The following UGT2B7 variants were observed in gnomAD, a reference collection of about 807,000 sequenced individuals.
UGT2B7 encodes the protein UDP glucuronosyltransferase family 2 member B7.
A neutral mutation model predicts 51.9 loss-of-function variants in UGT2B7; 51 were observed. That is an observed-to-expected ratio of 0.98 (90% CI 0.78 to 1.24). UGT2B7 has a LOEUF of 1.24. Among genes scored for constraint, UGT2B7 ranks in the 50% most tolerant of loss-of-function variants. The pLI is 0.00. For synonymous variants in UGT2B7, 225 were observed against 211.6 expected (o/e 1.06, Z -0.55); for missense variants, 727 against 628.4 (o/e 1.16, Z -1.68).
At chr4:69,064,123 A>T (rs1718435789) in intron 1 of UGT2B7, among the ~76,000 whole-genome samples, 1 of 151,464 alleles carries the variant, frequency 6.6e-6, no homozygotes, top group Non-Finnish European at 1.5e-5. Context: ...AAAGAAAGAA[A>T]GAAAGAAAGA....
intron 1 of UGT2B7, among the ~76,000 whole-genome samples, chr4:69,078,095 T>A (rs1041386765): frequency 1.3e-5 from 2 of 152,304 alleles, no homozygotes; most frequent in Non-Finnish European, 1.5e-5. Context: ...TGTCATGGAT[T>A]CCTTTTTTTG....
intron 1 of UGT2B7, among the ~76,000 whole-genome samples, chr4:69,059,938 G>A (rs761713912): frequency 5.9e-5 from 9 of 152,178 alleles, no homozygotes; most frequent in East Asian, 1.9e-4. Flanking sequence ...ACATTTTTCC[G>A]TCTCTGGCTT....
At chr4:69,091,227 T>C (rs1035613005) in intron 2 of UGT2B7, among the ~76,000 whole-genome samples, 2 of 152,224 alleles carry the variant, frequency 1.3e-5, no homozygotes, top group East Asian at 3.8e-4. Context: ...AAATAGTCTT[T>C]ATATTATAGC....
chr4:69,059,199 C>T (rs1393305270), intron 1 of UGT2B7, among the ~76,000 whole-genome samples: 1 of 152,172 alleles, frequency 6.6e-6, no homozygotes, highest in African/African-American at 2.4e-5. Context: ...ATGGTAGACA[C>T]CAGAGCTAAA....
At chr4:69,087,444 C>A (rs189174709) in intron 1 of UGT2B7, among the ~76,000 whole-genome samples, 1 of 151,962 alleles carries the variant, frequency 6.6e-6, no homozygotes, top group African/African-American at 2.4e-5. Flanking sequence ...TTTTTATCTT[C>A]ATGATAAAGA....
chr4:69,084,810 T>C (rs1718913502), intron 1 of UGT2B7, among the ~76,000 whole-genome samples: 2 of 152,202 alleles, frequency 1.3e-5, no homozygotes, highest in South Asian at 4.1e-4. Flanking sequence ...TTCTTTCTTA[T>C]AAATGCATAG....
intron 1 of UGT2B7, among the ~76,000 whole-genome samples, chr4:69,075,817 A>C (rs1718690019): frequency 6.6e-6 from 1 of 152,178 alleles, no homozygotes; most frequent in African/African-American, 2.4e-5. Context: ...TCTGGGCTAC[A>C]TGTGCAAAAT....
chr4:69,107,041 C>T, intron 3 of UGT2B7, 134 bp from the exon 4 acceptor site: 2 of 953,602 alleles, frequency 2.1e-6, no homozygotes, highest in Non-Finnish European at 3.0e-6. Flanking sequence ...TGTGAGTATT[C>T]TATTTACATT....
At position 69,077,778 on chromosome 4, in the gene UGT2B7, C is replaced by G. The variant is rs145772309; in HGVS notation, c.-158-11694C>G. Among the ~76,000 whole-genome samples, 702 of 152,202 alleles carry G rather than the reference C, an allele frequency of 4.6e-3. 1 individual carries two copies. The highest frequency in any genetic ancestry group is 7.3e-3 in the Non-Finnish European group (498 of 68,004). ...ATTTGAATACTTTTTATTTCTTTAT[C>G]TTGCCAGATTTCCCTAGCCAGAACC... On this transcript the variant is annotated intron_variant, in intron 1 of 5. Transcript: ENST00000502942.
chr4:69,063,329 A>AAAAGAAAG (rs1412714224), intron 1 of UGT2B7, among the ~76,000 whole-genome samples: 17 of 149,982 alleles, frequency 1.1e-4, no homozygotes, highest in African/African-American at 4.1e-4. Context: ...AAAAAAAAAA[A>AAAAGAAAG]AAAAAAAAAA....
chr4:69,098,123 G>A (rs1189681499), intron 1 of UGT2B7, among the ~76,000 whole-genome samples: 1 of 151,950 alleles, frequency 6.6e-6, no homozygotes, highest in Non-Finnish European at 1.5e-5. Context: ...GTGTAAACTA[G>A]ACTATTTCTT....
intron 1 of UGT2B7, among the ~76,000 whole-genome samples, chr4:69,074,157 A>C (rs6600867): frequency 1.3e-5 from 2 of 151,798 alleles, no homozygotes; most frequent in African/African-American, 4.8e-5. Context: ...CCTGGATAAC[A>C]TAATGAGAGC....
At chr4:69,077,446 C>A (rs1176396893) in intron 1 of UGT2B7, among the ~76,000 whole-genome samples, 3 of 152,060 alleles carry the variant, frequency 2.0e-5, no homozygotes, top group Non-Finnish European at 4.4e-5. Context: ...TATTTGTGTC[C>A]TGTCTTATTT....
At chr4:69,052,205 C>T (rs1191873404) in intron 1 of UGT2B7, among the ~76,000 whole-genome samples, 1 of 152,096 alleles carries the variant, frequency 6.6e-6, no homozygotes, top group South Asian at 2.1e-4. Context: ...ACAAAGTAAC[C>T]TGTAAACCAA....
At chr4:69,064,112 A>AAGAGAGAGAAAGAAAGAAAGAAAG (rs754723956) in intron 1 of UGT2B7, among the ~76,000 whole-genome samples, 3 of 86,798 alleles carry the variant, frequency 3.5e-5, no homozygotes, top group Admixed American at 1.1e-4. Flanking sequence ...GAAAGAAAGA[A>AAGAGAGAGAAAGAAAGAAAGAAAG]AAAGAAAGAA....
chr4:69,098,349 C>T (rs1719307622), intron 1 of UGT2B7, among the ~76,000 whole-genome samples, 191 bp from the exon 2 acceptor site: 2 of 151,928 alleles, frequency 1.3e-5, no homozygotes, highest in South Asian at 2.1e-4. Flanking sequence ...CTTTGTCTTT[C>T]TTATAAATAC....
intron 2 of UGT2B7, among the ~76,000 whole-genome samples, chr4:69,100,469 A>C (rs549313724): frequency 1.3e-5 from 2 of 152,234 alleles, no homozygotes; most frequent in East Asian, 3.9e-4. Context: ...CATAAAACTG[A>C]AATTTTATTC....
At chr4:69,087,456 A>G (rs1033287218) in intron 1 of UGT2B7, among the ~76,000 whole-genome samples, 4 of 152,142 alleles carry the variant, frequency 2.6e-5, no homozygotes, top group Non-Finnish European at 4.4e-5. Flanking sequence ...TGATAAAGAT[A>G]TAAATGGCTT....
intron 1 of UGT2B7, among the ~76,000 whole-genome samples, chr4:69,097,550 G>A (rs908076103): frequency 6.6e-6 from 1 of 152,072 alleles, no homozygotes; most frequent in Non-Finnish European, 1.5e-5. Flanking sequence ...CTTAAAAACA[G>A]TAAAATCCAT....
Sources: gnomAD v4.1 joint callset for allele counts (sites outside exome capture counted in the v4.1 genomes callset) on GRCh38, gnomAD v4.1.1 for gene constraint, MANE v1.5 for transcripts, NCBI Gene and HGNC (gene_info 2026-07-23, HGNC 2026-07-21) for gene names.